The following CSMD1 variants were observed in gnomAD, a reference collection of about 807,000 sequenced individuals.
CSMD1 encodes the protein CUB and Sushi multiple domains 1, also known as CUB and sushi domain-containing protein 1.
CSMD1 carries 213 observed loss-of-function variants against 417.5 expected under a neutral mutation model. The ratio of observed to expected loss-of-function variants is 0.51; its 90% CI spans 0.46 to 0.57. The LOEUF (loss-of-function observed/expected upper bound fraction) is 0.57, where lower values mean the gene tolerates loss of function less well. CSMD1 is among the 20% of genes least tolerant of loss of function. The probability of loss-of-function intolerance (pLI) is 0.00; values close to 1 mark genes in which losing one functional copy is unlikely to be tolerated. For missense variants in CSMD1, 6,923 were observed against 4,529.7 expected (o/e 1.53, Z -15.17); for synonymous variants, 2,862 against 1,736.8 (o/e 1.65, Z -16.11).
chr8:4,122,883 G>C (rs953646579), intron 3 of CSMD1, among the ~76,000 whole-genome samples: 1 of 152,188 alleles, frequency 6.6e-6, no homozygotes, highest in African/African-American at 2.4e-5. Flanking sequence ...GGCAACTCCT[G>C]AAGAAACTAA....
chr8:3,513,468 G>A (rs1797162445), intron 10 of CSMD1, among the ~76,000 whole-genome samples: 1 of 151,922 alleles, frequency 6.6e-6, no homozygotes, highest in African/African-American at 2.4e-5. Flanking sequence ...TGGGATTACA[G>A]GCCTGTTGTG....
chr8:3,648,572 G>T (rs1351196303), intron 7 of CSMD1, among the ~76,000 whole-genome samples: 1 of 152,106 alleles, frequency 6.6e-6, no homozygotes, highest in African/African-American at 2.4e-5. Context: ...AAATTGTTTT[G>T]GAACTTTGTT....
intron 1 of CSMD1, among the ~76,000 whole-genome samples, chr8:4,974,183 A>G (rs1219492546): frequency 3.4e-5 from 5 of 145,578 alleles, no homozygotes; most frequent in Admixed American, 3.4e-4. Flanking sequence ...CACCCAGCTA[A>G]TTTTTTTTTT....
chr8:4,479,809 C>G (rs1030162446), intron 2 of CSMD1, among the ~76,000 whole-genome samples: 1 of 151,660 alleles, frequency 6.6e-6, no homozygotes. Context: ...ACTGAAAACA[C>G]AAAAATTAGC....
intron 26 of CSMD1, among the ~76,000 whole-genome samples, chr8:3,265,969 G>C (rs924163102): frequency 3.3e-5 from 5 of 151,906 alleles, no homozygotes; most frequent in Admixed American, 6.6e-5. Flanking sequence ...GTTATTTTTA[G>C]ATGTCTGCAA....
At chr8:4,011,439 G>T (rs548978847) in intron 4 of CSMD1, among the ~76,000 whole-genome samples, 1 of 151,978 alleles carries the variant, frequency 6.6e-6, no homozygotes, top group East Asian at 1.9e-4. Context: ...ACTGCAACAC[G>T]TCTCAAAGAT....
At chr8:4,185,825 C>G (rs1034494578) in intron 3 of CSMD1, among the ~76,000 whole-genome samples, 2 of 152,124 alleles carry the variant, frequency 1.3e-5, no homozygotes, top group African/African-American at 4.8e-5. Flanking sequence ...TCAGAAAGTG[C>G]CCTGCATAAG....
At chr8:3,447,520 C>T (rs953409574) in intron 12 of CSMD1, among the ~76,000 whole-genome samples, 10 of 152,114 alleles carry the variant, frequency 6.6e-5, no homozygotes, top group East Asian at 1.9e-4. Flanking sequence ...GTACTTTGTG[C>T]GGCTGGTGTG....
chr8:3,210,927 C>T (rs1367192820), intron 30 of CSMD1, among the ~76,000 whole-genome samples: 1 of 152,038 alleles, frequency 6.6e-6, no homozygotes, highest in East Asian at 1.9e-4. Context: ...TTTTATCTCC[C>T]TCACACTAGA....
chr8:3,745,767 T>C (rs1797037342), intron 6 of CSMD1, among the ~76,000 whole-genome samples: 1 of 152,238 alleles, frequency 6.6e-6, no homozygotes. Context: ...TTCAGAAGCC[T>C]GATTCAGATC....
intron 12 of CSMD1, among the ~76,000 whole-genome samples, chr8:3,449,376 C>G (rs977743772): frequency 6.6e-6 from 1 of 152,152 alleles, no homozygotes; most frequent in African/African-American, 2.4e-5. Flanking sequence ...GTGACAATGT[C>G]TCATGGGTTG....
At chr8:3,075,558 G>T (rs148713432) in intron 49 of CSMD1, among the ~76,000 whole-genome samples, 2,794 of 152,026 alleles carry the variant, frequency 0.018, 93 homozygotes, top group African/African-American at 0.064. Context: ...TGGGATGACA[G>T]GCATGGACCA....
intron 1 of CSMD1, among the ~76,000 whole-genome samples, chr8:4,760,889 A>C (rs1174444845): frequency 6.6e-6 from 1 of 152,198 alleles, no homozygotes; most frequent in Non-Finnish European, 1.5e-5. Flanking sequence ...CCTTTTAGAA[A>C]GTGTGCAGCA....
chr8:4,458,453 A>G (rs1799618343), intron 2 of CSMD1, among the ~76,000 whole-genome samples: 1 of 152,188 alleles, frequency 6.6e-6, no homozygotes, highest in African/African-American at 2.4e-5. Context: ...GTCTGAAGTT[A>G]AAGTTATGTG....
At chr8:3,850,814 C>G (rs906938966) in intron 5 of CSMD1, among the ~76,000 whole-genome samples, 1 of 152,090 alleles carries the variant, frequency 6.6e-6, no homozygotes, top group Non-Finnish European at 1.5e-5. Flanking sequence ...AGGAACAAAG[C>G]TCAAAAGTTA....
chr8:3,729,922 TAAAAAAAAAAAAAAAAA>T lies in CSMD1; in HGVS notation c.932-21448_932-21432del, dbSNP rs1160679199. Among the ~76,000 whole-genome samples, 3 of 47,060 alleles carry T rather than the reference TAAAAAAAAAAAAAAAAA, an allele frequency of 6.4e-5. No homozygotes were observed. In the South Asian group the frequency reaches 2.3e-3, roughly 36 times the overall value. 30.9% of individuals were successfully genotyped at this position (47,060 alleles called of 152,430 possible). A position where few individuals can be genotyped will look rare whatever the true frequency, so the allele number is the denominator to read the frequency against. On this transcript the variant is annotated intron_variant, in intron 6 of 69. Transcript: ENST00000635120. ...AGAATTATTATTTGCCAATTCAAAG[TAAAAAAAAAAAAAAAAA>T]AAAAAAAAAAAAAAAAAAAAAACAA...
intron 26 of CSMD1, among the ~76,000 whole-genome samples, chr8:3,256,193 T>G (rs1800637824): frequency 6.6e-6 from 1 of 150,906 alleles, no homozygotes; most frequent in Non-Finnish European, 1.5e-5. Flanking sequence ...CTGGGCGTGG[T>G]GGTGGCACCT....
intron 33 of CSMD1, among the ~76,000 whole-genome samples, chr8:3,193,829 C>T (rs1796557628): frequency 6.6e-6 from 1 of 152,298 alleles, no homozygotes; most frequent in Non-Finnish European, 1.5e-5. Context: ...AAGCCGGAAG[C>T]ATGTTGTGAC....
intron 11 of CSMD1, among the ~76,000 whole-genome samples, chr8:3,488,371 G>C (rs939477571): frequency 6.6e-6 from 1 of 152,064 alleles, no homozygotes; most frequent in African/African-American, 2.4e-5. Context: ...GCTTCCCAAA[G>C]TTCCGGGATT....
Sources: gnomAD v4.1 joint callset for allele counts (sites outside exome capture counted in the v4.1 genomes callset) on GRCh38, gnomAD v4.1.1 for gene constraint, MANE v1.5 for transcripts, NCBI Gene and HGNC (gene_info 2026-07-23, HGNC 2026-07-21) for gene names.